LRP2BP: variants seen among roughly 807,000 people sequenced by gnomAD.
LRP2BP encodes the protein LRP2-binding protein.
A neutral mutation model predicts 45.2 loss-of-function variants in LRP2BP; 38 were observed. That is an observed-to-expected ratio of 0.84 (90% CI 0.65 to 1.10). The LOEUF (loss-of-function observed/expected upper bound fraction) is 1.10, where lower values mean the gene tolerates loss of function less well. Among genes scored for constraint, LRP2BP ranks in the 50% least tolerant of loss-of-function variants. The probability of loss-of-function intolerance (pLI) is 0.00; values close to 1 mark genes in which losing one functional copy is unlikely to be tolerated. For missense variants in LRP2BP, 385 were observed against 418.9 expected (o/e 0.92, Z 0.71); for synonymous variants, 153 against 153.9 (o/e 0.99, Z 0.04).
At chr4:185,387,513 T>A (rs2095475197) in intron 1 of LRP2BP, among the ~76,000 whole-genome samples, 1 of 152,252 alleles carries the variant, frequency 6.6e-6, no homozygotes, top group Non-Finnish European at 1.5e-5. Context: ...GTCTCAGGCG[T>A]GTGCAGCTAA....
intron 8 of LRP2BP, 91 bp downstream of exon 8, chr4:185,370,549 A>G (rs2095411306): frequency 1.5e-6 from 2 of 1,362,210 alleles, no homozygotes; most frequent in Non-Finnish European, 2.0e-6. Flanking sequence ...AATTGAGTAG[A>G]AAAAACACTA....
At chr4:185,378,876 T>A in intron 1 of LRP2BP, 1 of 985,300 alleles carries the variant, frequency 1.0e-6, no homozygotes, top group South Asian at 4.7e-5. Flanking sequence ...TCCACTGTTA[T>A]GGCTTACTTT....
In LRP2BP at chr4:185,372,945, T is replaced by C. The variant is rs773258009; in HGVS notation, c.714A>G (p.Ala238=). 1 of 1,614,040 alleles carries C rather than the reference T, an allele frequency of 6.2e-7. No individual in the cohort carries two copies. Among genetic ancestry groups the C allele is most frequent in the South Asian group, 1.1e-5 (1 of 91,088 alleles). ...EAALQCLREA[A]ERGNVYAQGN... is the part of the protein sequence containing the mutation. The stretch of plus-strand genomic sequence containing the variant: ...CTTGAGCATAGACGTTTCCGCGTTC[T>C]GCTGCTTCTCTTAAGCACTGCAGGG... Residue 238 remains alanine, a synonymous_variant, in exon 7 of 9, where the codon GCA becomes GCG. Transcript: ENST00000505916.
rs2095498503 is a variant in LRP2BP at position 185,395,164 on chromosome 4, C to G, written c.-407G>C. On this transcript the variant is annotated 5_prime_UTR_variant, in exon 1 of 9. Transcript: ENST00000505916. ...AAGGGAGAAAAGCTGTAACGACTCC[C>G]CAAATTTCCTTTCCTTATGAAATTT... The G allele has an allele frequency of 1.0e-6, 1 of 985,270 alleles. No homozygotes were observed. 61.0% of individuals were successfully genotyped at this position (985,270 alleles called of 1,614,324 possible).
chr4:185,367,662 C>A (rs913935677), intron 8 of LRP2BP, among the ~76,000 whole-genome samples: 1 of 152,116 alleles, frequency 6.6e-6, no homozygotes, highest in Non-Finnish European at 1.5e-5. Context: ...TAAATAGTGA[C>A]AAGGTGCATA....
intron 1 of LRP2BP, among the ~76,000 whole-genome samples, chr4:185,381,836 T>A (rs982374444): frequency 1.3e-5 from 2 of 152,234 alleles, no homozygotes; most frequent in African/African-American, 4.8e-5. Flanking sequence ...TGAATTAACA[T>A]TTATGTTAAT....
chr4:185,396,678 C>G (rs577153984), upstream of LRP2BP: 2 of 528,798 alleles, frequency 3.8e-6, no homozygotes, highest in African/African-American at 4.0e-5. Context: ...GCGCCGGGCT[C>G]CACGTGCCAG....
chr4:185,369,222 G>C lies in LRP2BP; in HGVS notation c.978+1418C>G, dbSNP rs558813065. Among the ~76,000 whole-genome samples, 6 of 143,476 alleles carry C rather than the reference G, an allele frequency of 4.2e-5. No homozygotes were observed. The South Asian group carries it at 1.4e-3, about 33-fold the overall frequency. The allele number at this position is 143,476 out of a possible 152,430, so 94.1% of individuals were successfully genotyped here. Reference sequence around the variant, plus strand: ...TTGGTTTGGAAATTGATGTAATACAGAGAGCTTTTTTTTTTTTTTTTTTTT... The same window carrying C: ...TTGGTTTGGAAATTGATGTAATACACAGAGCTTTTTTTTTTTTTTTTTTTT... On this transcript the variant is annotated intron_variant, in intron 8 of 8. Transcript: ENST00000505916.
chr4:185,376,488 G>A lies in LRP2BP; in HGVS notation c.216+421C>T, dbSNP rs1451677838. 2.8e-5 allele frequency among the ~76,000 whole-genome samples: 4 copies of A among 143,034 alleles called. No individual in the cohort carries two copies. In the South Asian group the frequency reaches 6.6e-4, roughly 23 times the overall value. 93.8% of individuals were successfully genotyped at this position (143,034 alleles called of 152,430 possible). The stretch of plus-strand genomic sequence containing the variant: ...TTTGTATTTTTAGTACAGATGGGGT[G>A]TAGCCATGTTGGCCAGGCTGGTCTA... On this transcript the variant is annotated intron_variant, in intron 3 of 8. Coordinates refer to ENST00000505916, the MANE Select transcript of LRP2BP (RefSeq NM_001377440.1).
chr4:185,378,448 CCT>C, intron 1 of LRP2BP: 1 of 1,265,746 alleles, frequency 7.9e-7, no homozygotes, highest in Non-Finnish European at 1.0e-6. Flanking sequence ...CACCATGAGA[CCT>C]GTTTGCACGT....
chr4:185,375,786 G>A, intron 3 of LRP2BP, 60 bp from the exon 4 acceptor site: 13 of 1,090,818 alleles, frequency 1.2e-5, no homozygotes, highest in South Asian at 1.5e-5. Context: ...AATCCCAAAG[G>A]CACCAAGTGG....
chr4:185,366,369 C>A lies in LRP2BP; in HGVS notation c.*811G>T, dbSNP rs1198106253. ...GAAACAATTTGCTTTACTTTTCTTA[C>A]GAATATTTTCATATAGCAATTGCTT... On this transcript the variant is annotated 3_prime_UTR_variant, in exon 9 of 9. Transcript: ENST00000505916. The A allele has an allele frequency of 1.3e-5, 2 of 152,138 alleles. No individual in the cohort carries two copies. The highest frequency in any genetic ancestry group is 6.5e-5 in the Admixed American group (1 of 15,268). 9.4% of individuals were successfully genotyped at this position (152,138 alleles called of 1,614,324 possible).
chr4:185,394,909 C>A lies in LRP2BP; in HGVS notation c.-152G>T, dbSNP rs763455315. On this transcript the variant is annotated 5_prime_UTR_variant, in exon 1 of 9. It removes an upstream start codon present in the reference 5' UTR. Transcript: ENST00000505916. ...CGCCTATAAAATATGCATCTTAGAT[C>A]ATCTTCCGTTTTAGAAAATTGATCC... 5.1e-6 allele frequency: 5 copies of A among 985,456 alleles called. No individual in the cohort carries two copies. Among genetic ancestry groups the A allele is most frequent in the Non-Finnish European group, 6.0e-6 (5 of 829,926 alleles). The allele number at this position is 985,456 out of a possible 1,614,324, so 61.0% of individuals were successfully genotyped here. A position where few individuals can be genotyped will look rare whatever the true frequency, so the allele number is the denominator to read the frequency against.
chr4:185,374,088 A>G (rs1394973114), intron 6 of LRP2BP, 47 bp downstream of exon 6: 1 of 1,481,978 alleles, frequency 6.7e-7, no homozygotes, highest in Non-Finnish European at 9.4e-7. Flanking sequence ...AGTGAAACAA[A>G]TATTAATCTA....
chr4:185,396,739 A>T, upstream of LRP2BP: 2 of 627,684 alleles, frequency 3.2e-6, no homozygotes. Flanking sequence ...CGGGTCGTTG[A>T]GGATTAGGCT....
At chr4:185,378,797 G>C in intron 1 of LRP2BP, 1 of 985,440 alleles carries the variant, frequency 1.0e-6, no homozygotes, top group Non-Finnish European at 1.2e-6. Flanking sequence ...AGTCCAGGTT[G>C]GCCTAGGCTG....
At position 185,395,587 on chromosome 4, in the gene LRP2BP, G is replaced by T; in HGVS notation, c.-830C>A. Reference sequence around the variant, plus strand: ...TATTAAAAATGTGGAATATAAGAACGATTCTATATATTTGAACACACATTT... The same window carrying T: ...TATTAAAAATGTGGAATATAAGAACTATTCTATATATTTGAACACACATTT... On this transcript the variant is annotated 5_prime_UTR_variant, in exon 1 of 9. Coordinates refer to ENST00000505916, the MANE Select transcript of LRP2BP (RefSeq NM_001377440.1). 1.0e-6 allele frequency: 1 copy of T among 978,344 alleles called. No homozygotes were observed. Among genetic ancestry groups the T allele is most frequent in the South Asian group, 4.7e-5 (1 of 21,164 alleles). The allele number at this position is 978,344 out of a possible 1,614,324, so 60.6% of individuals were successfully genotyped here.
At chr4:185,378,025 G>T in intron 2 of LRP2BP, 56 bp downstream of exon 2, 2 of 1,383,810 alleles carry the variant, frequency 1.4e-6, no homozygotes, top group Non-Finnish European at 2.0e-6. Context: ...GCTCTAGCAT[G>T]CAAAATGAAC....
intron 7 of LRP2BP, among the ~76,000 whole-genome samples, chr4:185,371,429 C>G (rs2095415005): frequency 6.6e-6 from 1 of 151,346 alleles, no homozygotes; most frequent in Admixed American, 6.6e-5. Flanking sequence ...GTAGTCCCAG[C>G]TACTCGGGAG....
Sources: gnomAD v4.1 joint callset for allele counts (sites outside exome capture counted in the v4.1 genomes callset) on GRCh38, gnomAD v4.1.1 for gene constraint, MANE v1.5 for transcripts, NCBI Gene and HGNC (gene_info 2026-07-23, HGNC 2026-07-21) for gene names.